TACC1: variants seen among roughly 807,000 people sequenced by gnomAD.
TACC1 encodes the protein transforming acidic coiled-coil-containing protein 1.
Under a neutral mutation model 84.4 loss-of-function variants are expected in TACC1, and 48 were observed. The ratio of observed to expected loss-of-function variants is 0.57; its 90% CI spans 0.45 to 0.72. The LOEUF (loss-of-function observed/expected upper bound fraction) is 0.72. Among genes scored for constraint, TACC1 ranks in the 30% least tolerant of loss-of-function variants. The probability of loss-of-function intolerance (pLI) is 0.00; values close to 1 mark genes in which losing one functional copy is unlikely to be tolerated. For synonymous variants in TACC1, 372 were observed against 376.3 expected, an observed-to-expected ratio of 0.99 and a Z score of 0.13; for missense variants, 920 against 973.0, an observed-to-expected ratio of 0.95 and a Z score of 0.72.
upstream of TACC1, among the ~76,000 whole-genome samples, chr8:38,785,206 C>G (rs1049855924): frequency 6.6e-6 from 1 of 152,086 alleles, no homozygotes; most frequent in African/African-American, 2.4e-5. Context: ...AGACTGTTCC[C>G]GAAGCAGTAA....
Position 38,820,100 on chromosome 8 carries a change from A to G in TACC1, c.856A>G (p.Lys286Glu), listed in dbSNP as rs369332655. 2 of 1,614,014 alleles carry G rather than the reference A, an allele frequency of 1.2e-6. No homozygotes were observed. Among genetic ancestry groups the G allele is most frequent in the Non-Finnish European group, 1.7e-6 (2 of 1,180,018 alleles). The change falls in exon 3 of 13, where the codon AAG becomes GAG. Residue 286 changes from lysine (K) to glutamate (E), a missense_variant. Physicochemically the swap from Lys to Glu is moderately conservative, Grantham distance 56. Transcript: ENST00000317827. ...TTTGCTAGGAGATGCCAGGTTCCAG[A>G]AGTCTCCCCCTGACCTTAAAGAAAC... is the stretch of plus-strand genomic sequence containing the variant. ...SPLLGDARFQ[K>E]SPPDLKETPG... is the part of the protein sequence containing the mutation.
In TACC1 at chr8:38,849,813, C is replaced by T. The variant is rs2152346740; in HGVS notation, c.*1790C>T. Reference sequence around the variant, plus strand: ...AGAAGTGGCTTGACAATCATTTGAGCTTTGAAAGCAGTCACTGTGGTGTAA... The same window carrying T: ...AGAAGTGGCTTGACAATCATTTGAGTTTTGAAAGCAGTCACTGTGGTGTAA... On this transcript the variant is annotated 3_prime_UTR_variant, in exon 13 of 13. Coordinates refer to ENST00000317827, the MANE Select transcript of TACC1 (RefSeq NM_006283.3). The T allele has an allele frequency of 6.5e-6, 1 of 152,710 alleles. No individual in the cohort carries two copies. 9.5% of individuals were successfully genotyped at this position (152,710 alleles called of 1,614,324 possible).
At chr8:38,814,586 A>G (rs997839095) in intron 2 of TACC1, among the ~76,000 whole-genome samples, 1 of 152,192 alleles carries the variant, frequency 6.6e-6, no homozygotes, top group African/African-American at 2.4e-5. Flanking sequence ...TACACTCTAT[A>G]ATGATCACAC....
chr8:38,787,604 A>G lies in TACC1; in HGVS notation c.22A>G (p.Ile8Val). The G allele has an allele frequency of 6.5e-7, 1 of 1,544,408 alleles. No homozygotes were observed. Among genetic ancestry groups the G allele is most frequent in the Non-Finnish European group, 8.7e-7 (1 of 1,143,796 alleles). MAFSPWQ[I>V]LSPVQWAKWT... ...GCTCATGGCGTTCAGCCCGTGGCAG[A>G]TCCTGTCCCCCGTGCAGTGGGCGAA... The change falls in exon 1 of 13, where the codon ATC (isoleucine) becomes GTC (valine). Residue 8 changes from isoleucine to valine, a missense_variant. Transcript: ENST00000317827.
At chr8:38,780,619 T>C (rs948963507) in intron 3 of TACC1, among the ~76,000 whole-genome samples, 6 of 141,920 alleles carry the variant, frequency 4.2e-5, no homozygotes, top group African/African-American at 1.5e-4. Context: ...CTTGTTGGTG[T>C]TGTTTTTTTT....
intron 3 of TACC1, among the ~76,000 whole-genome samples, chr8:38,823,771 G>A (rs1827404271): frequency 6.6e-6 from 1 of 152,132 alleles, no homozygotes; most frequent in Admixed American, 6.6e-5. Context: ...GCATTTCTGA[G>A]TGTTTCTACC....
In TACC1 at chr8:38,773,910, G is replaced by C. The variant is rs1814240819; in HGVS notation, c.27-14794G>C. On this transcript the variant is annotated intron_variant, in intron 3 of 14. Coordinates refer to the TACC1 transcript ENST00000518415. The stretch of plus-strand genomic sequence containing the variant: ...GGCTATTTATGAAAGACAATACTAT[G>C]GGCAGGTTTTTCTTTCTTCTTTGAA... 2.6e-5 allele frequency among the ~76,000 whole-genome samples: 4 copies of C among 152,112 alleles called. No individual in the cohort carries two copies. The South Asian group carries it at 8.3e-4, about 32-fold the overall frequency.
intron 1 of TACC1, among the ~76,000 whole-genome samples, chr8:38,736,311 A>G (rs887089107): frequency 3.9e-5 from 6 of 152,120 alleles, no homozygotes; most frequent in Non-Finnish European, 8.8e-5. Flanking sequence ...AAATAAGATA[A>G]CCTGGCTGGG....
intron 1 of TACC1, among the ~76,000 whole-genome samples, chr8:38,736,824 T>C (rs1027543386): frequency 2.6e-5 from 4 of 152,118 alleles, no homozygotes; most frequent in African/African-American, 2.4e-5. Context: ...TTTTTGAGGA[T>C]TCTGTTCAGC....
At chr8:38,742,387 T>G in exon 2 of TACC1, 3 of 1,505,092 alleles carry the variant, frequency 2.0e-6, no homozygotes, top group Non-Finnish European at 2.7e-6. Flanking sequence ...GGTCCTGGTC[T>G]TGATTGCTGG....
chr8:38,809,145 A>G (rs1823464493), intron 2 of TACC1, among the ~76,000 whole-genome samples: 1 of 152,052 alleles, frequency 6.6e-6, no homozygotes, highest in Admixed American at 6.5e-5. Flanking sequence ...TGACAGGGCC[A>G]TGCGTTTTAC....
At chr8:38,752,219 C>T (rs774422868) in intron 3 of TACC1, among the ~76,000 whole-genome samples, 2 of 152,118 alleles carry the variant, frequency 1.3e-5, no homozygotes, top group Non-Finnish European at 2.9e-5. Flanking sequence ...GCCTGTAATC[C>T]CAGCACCTGA....
intron 1 of TACC1, among the ~76,000 whole-genome samples, chr8:38,739,247 A>G (rs921083095): frequency 6.6e-6 from 1 of 152,212 alleles, no homozygotes; most frequent in Non-Finnish European, 1.5e-5. Flanking sequence ...ACTGATGTCT[A>G]TAACTCTAAT....
At chr8:38,735,403 G>A (rs1018679091) in intron 1 of TACC1, among the ~76,000 whole-genome samples, 7 of 152,140 alleles carry the variant, frequency 4.6e-5, no homozygotes, top group African/African-American at 9.7e-5. Context: ...TTTTCCACCC[G>A]CGCTGTGCCT....
At chr8:38,803,627 G>A (rs190200797) in intron 2 of TACC1, among the ~76,000 whole-genome samples, 37 of 152,266 alleles carry the variant, frequency 2.4e-4, no homozygotes, top group African/African-American at 8.9e-4. Context: ...TGTTTGTGGT[G>A]TATAATCCTT....
At chr8:38,834,172 G>A (rs541122717) in intron 6 of TACC1, among the ~76,000 whole-genome samples, 1 of 152,218 alleles carries the variant, frequency 6.6e-6, no homozygotes, top group Non-Finnish European at 1.5e-5. Flanking sequence ...CAATCCAGGT[G>A]TTGATCAGGG....
intron 3 of TACC1, chr8:38,757,212 CCA>C: frequency 2.7e-5 from 7 of 259,552 alleles, no homozygotes; most frequent in Non-Finnish European, 5.4e-5. Context: ...GCCGGGCGCC[CCA>C]CCCCGCCCTC....
At chr8:38,847,098 C>CCTTT (rs974555325) in intron 12 of TACC1, among the ~76,000 whole-genome samples, 5 of 152,220 alleles carry the variant, frequency 3.3e-5, no homozygotes, top group East Asian at 1.9e-4. Context: ...CATGAGACTG[C>CCTTT]CTTTCTTTCT....
Position 38,849,037 on chromosome 8 carries a change from T to C in TACC1, c.*1014T>C, listed in dbSNP as rs1832765845. ...AAAATCTACTTGTAAAAGGCTCAGATCTTAATTAAAAGGTAATTGTAGCAC... is the reference window on the plus strand; with the variant it reads ...AAAATCTACTTGTAAAAGGCTCAGACCTTAATTAAAAGGTAATTGTAGCAC... On this transcript the variant is annotated 3_prime_UTR_variant, in exon 13 of 13. Coordinates refer to ENST00000317827, the MANE Select transcript of TACC1 (RefSeq NM_006283.3). 1 of 152,078 alleles carries C rather than the reference T, an allele frequency of 6.6e-6. No homozygotes were observed. The highest frequency in any genetic ancestry group is 2.4e-5 in the African/African-American group (1 of 41,418). The allele number at this position is 152,078 out of a possible 1,614,324, so 9.4% of individuals were successfully genotyped here.
Sources: allele counts gnomAD v4.1 joint callset (sites outside exome capture counted in the v4.1 genomes callset), GRCh38; gene constraint gnomAD v4.1.1; transcripts MANE v1.5; gene names NCBI Gene and HGNC (gene_info 2026-07-23, HGNC 2026-07-21).